Variants in TAOK3 observed in about 807,000 individuals in gnomAD.
The protein encoded by TAOK3 is serine/threonine-protein kinase TAO3.
TAOK3 carries 40 observed loss-of-function variants against 120.4 expected under a neutral mutation model. That is an observed-to-expected ratio of 0.33 (90% CI 0.26 to 0.43). The LOEUF (loss-of-function observed/expected upper bound fraction) is 0.43, where lower values mean the gene tolerates loss of function less well. TAOK3 is among the 20% of genes least tolerant of loss of function. The pLI is 1.00. For synonymous variants in TAOK3, 355 were observed against 387.5 expected (o/e 0.92, Z 0.99); for missense variants, 821 against 1,112.1 (o/e 0.74, Z 3.72).
chr12:118,174,988 A>G (rs1033873388), intron 16 of TAOK3, among the ~76,000 whole-genome samples: 1 of 152,066 alleles, frequency 6.6e-6, no homozygotes, highest in Non-Finnish European at 1.5e-5. Context: ...GTGGAGAAAA[A>G]CCTCAAAATT....
At chr12:118,271,169 T>TA (rs1188628761) in intron 1 of TAOK3, among the ~76,000 whole-genome samples, 3 of 152,220 alleles carry the variant, frequency 2.0e-5, no homozygotes, top group Non-Finnish European at 4.4e-5. Flanking sequence ...ATAATTCACC[T>TA]ATCATACACT....
chr12:118,291,490 T>C (rs1303237230), intron 1 of TAOK3, among the ~76,000 whole-genome samples: 1 of 152,142 alleles, frequency 6.6e-6, no homozygotes, highest in African/African-American at 2.4e-5. Context: ...GGAATTATAG[T>C]AAATGTTTTT....
intron 11 of TAOK3, among the ~76,000 whole-genome samples, chr12:118,203,526 G>T (rs573868163): frequency 6.6e-6 from 1 of 151,962 alleles, no homozygotes; most frequent in Non-Finnish European, 1.5e-5. Flanking sequence ...CCAACATGGT[G>T]AAACCCTTTC....
At position 118,151,287 on chromosome 12, in the gene TAOK3, G is replaced by GCACACACACACACACACA. The variant is rs767980079; in HGVS notation, c.2536-130_2536-129insTGTGTGTGTGTGTGTGTG. 11 of 477,108 alleles carry GCACACACACACACACACA rather than the reference G, an allele frequency of 2.3e-5. No homozygotes were observed. The South Asian group carries it at 2.9e-4, about 12-fold the overall frequency. 29.6% of individuals were successfully genotyped at this position (477,108 alleles called of 1,614,324 possible). ...AGGCACACACATGAAGTGCGCGCGCGCGCACACACACACACACACACACAC... is the reference window on the plus strand; with the variant it reads ...AGGCACACACATGAAGTGCGCGCGCGCACACACACACACACACACGCACACACACACACACACACACAC... On this transcript the variant is annotated intron_variant, in intron 20 of 20. Transcript: ENST00000392533.
chr12:118,266,973 G>A (rs1593351046), intron 1 of TAOK3, among the ~76,000 whole-genome samples: 1 of 152,122 alleles, frequency 6.6e-6, no homozygotes, highest in Admixed American at 6.6e-5. Flanking sequence ...CAAATGTGTC[G>A]TTAGATTTAA....
chr12:118,284,447 G>A (rs1240707638), intron 1 of TAOK3, among the ~76,000 whole-genome samples: 4 of 152,116 alleles, frequency 2.6e-5, no homozygotes, highest in African/African-American at 4.8e-5. Context: ...ACAGAGCCTC[G>A]AAAAGACATG....
intron 1 of TAOK3, among the ~76,000 whole-genome samples, chr12:118,304,726 G>A (rs932567489): frequency 6.6e-6 from 1 of 152,160 alleles, no homozygotes; most frequent in Admixed American, 6.6e-5. Context: ...TTAGCAATTT[G>A]TTCAGATAAT....
At chr12:118,195,666 G>A (rs573390680) in intron 13 of TAOK3, among the ~76,000 whole-genome samples, 2 of 152,278 alleles carry the variant, frequency 1.3e-5, no homozygotes, top group Admixed American at 1.3e-4. Flanking sequence ...AAAGTAGTGT[G>A]GCAACACTAG....
chr12:118,308,268 A>C (rs2043126162), intron 1 of TAOK3, among the ~76,000 whole-genome samples: 1 of 152,210 alleles, frequency 6.6e-6, no homozygotes, highest in Non-Finnish European at 1.5e-5. Context: ...AAGGGGAAGC[A>C]TGAATAATAG....
At chr12:118,302,961 C>G (rs2042930410) in intron 1 of TAOK3, among the ~76,000 whole-genome samples, 1 of 152,152 alleles carries the variant, frequency 6.6e-6, no homozygotes, top group Non-Finnish European at 1.5e-5. Flanking sequence ...ACCACCACTC[C>G]ATTTTGACTC....
intron 1 of TAOK3, chr12:118,296,968 A>G (rs926318992): frequency 8.5e-5 from 13 of 152,210 alleles, no homozygotes; most frequent in African/African-American, 1.2e-4. Context: ...CAGGCGGGAC[A>G]TGAACTCTTT....
Position 118,224,826 on chromosome 12 carries a change from A to T in TAOK3, c.643+8848T>A, listed in dbSNP as rs930020525. On this transcript the variant is annotated intron_variant, in intron 9 of 20. Transcript: ENST00000392533. ...TTCTAGATTAGGGTGTTTTTAAAAA[A>T]ATATATACTATTATAGAAGAGACAG... 1.1e-4 allele frequency among the ~76,000 whole-genome samples: 16 copies of T among 152,298 alleles called. 1 individual carries two copies. The highest frequency in any genetic ancestry group is 5.2e-4 in the Admixed American group (8 of 15,276).
rs781476703 is a variant in TAOK3, at chr12:118,276,877, C to T, written c.-193-10118G>A. Among the ~76,000 whole-genome samples, 133 of 152,202 alleles carry T rather than the reference C, an allele frequency of 8.7e-4. 4 individuals carry two copies. The highest frequency in any genetic ancestry group is 4.6e-4 in the Admixed American group (7 of 15,288). On this transcript the variant is annotated intron_variant, in intron 1 of 20. Coordinates refer to ENST00000392533, the MANE Select transcript of TAOK3 (RefSeq NM_016281.4). ...AAAATTACCTGGGCATGGTGGCTCA[C>T]GCCTATAGTCCCAGCTACTCAGGAG...
At chr12:118,235,004 AT>A (rs1358846229) in intron 8 of TAOK3, among the ~76,000 whole-genome samples, 1 of 152,238 alleles carries the variant, frequency 6.6e-6, no homozygotes, top group Non-Finnish European at 1.5e-5. Flanking sequence ...TAGACAAGTA[AT>A]TTTGCAGAGA....
At chr12:118,270,156 A>G (rs761153947) in intron 1 of TAOK3, among the ~76,000 whole-genome samples, 4 of 152,158 alleles carry the variant, frequency 2.6e-5, no homozygotes, top group Non-Finnish European at 4.4e-5. Flanking sequence ...GTATTTTCAA[A>G]TATCTATTCG....
chr12:118,228,171 A>G (rs1277407309), intron 9 of TAOK3, among the ~76,000 whole-genome samples: 14 of 112,160 alleles, frequency 1.2e-4, no homozygotes, highest in African/African-American at 3.5e-5. Context: ...TTTTTTTTTG[A>G]GATGGAGTTT....
intron 1 of TAOK3, among the ~76,000 whole-genome samples, chr12:118,330,256 G>C (rs957206221): frequency 3.3e-5 from 5 of 152,150 alleles, no homozygotes; most frequent in African/African-American, 1.2e-4. Flanking sequence ...AAATAAAATT[G>C]TTTCAAAGTT....
At chr12:118,345,079 C>G (rs921365703) in intron 1 of TAOK3, among the ~76,000 whole-genome samples, 4 of 152,138 alleles carry the variant, frequency 2.6e-5, no homozygotes, top group African/African-American at 9.7e-5. Flanking sequence ...AAAAACCAAT[C>G]TTACTGAACC....
intron 1 of TAOK3, among the ~76,000 whole-genome samples, chr12:118,309,606 T>C (rs1274045857): frequency 6.6e-6 from 1 of 151,786 alleles, no homozygotes; most frequent in Non-Finnish European, 1.5e-5. Context: ...ACCTCCGCCT[T>C]CCGGGTTCAA....
Sources: allele counts gnomAD v4.1 joint callset (sites outside exome capture counted in the v4.1 genomes callset), GRCh38; gene constraint gnomAD v4.1.1; transcripts MANE v1.5; gene names NCBI Gene and HGNC (gene_info 2026-07-23, HGNC 2026-07-21).